PIK3CB: variants seen among roughly 807,000 people sequenced by gnomAD.
PIK3CB encodes the protein phosphatidylinositol 4,5-bisphosphate 3-kinase catalytic subunit beta isoform.
A neutral mutation model predicts 136.8 loss-of-function variants in PIK3CB; 39 were observed. The ratio of observed to expected loss-of-function variants is 0.29; its 90% CI spans 0.22 to 0.37. The LOEUF is 0.37. Among genes scored for constraint, PIK3CB ranks in the 10% least tolerant of loss-of-function variants. The pLI, the probability that PIK3CB is intolerant of heterozygous loss-of-function variation, is 1.00. For synonymous variants in PIK3CB, 428 were observed against 436.6 expected (o/e 0.98, Z 0.25); for missense variants, 868 against 1,275.4 (o/e 0.68, Z 4.87).
chr3:138,822,789 C>A (rs984792892), intron 1 of PIK3CB, among the ~76,000 whole-genome samples: 3 of 144,460 alleles, frequency 2.1e-5, no homozygotes, highest in African/African-American at 7.6e-5. Flanking sequence ...CTGCAGTGAG[C>A]CGAGATCACG....
At chr3:138,779,893 C>T (rs2045904502) in intron 2 of PIK3CB, among the ~76,000 whole-genome samples, 1 of 152,072 alleles carries the variant, frequency 6.6e-6, no homozygotes, top group Non-Finnish European at 1.5e-5. Flanking sequence ...TATCAGCAAA[C>T]AAGTTAATCT....
At position 138,655,107 on chromosome 3, in the gene PIK3CB, G is replaced by T; in HGVS notation, c.*282C>A. On this transcript the variant is annotated 3_prime_UTR_variant, in exon 24 of 24. Coordinates refer to ENST00000674063, the MANE Select transcript of PIK3CB (RefSeq NM_006219.3). ...AATATTAGAAAAAACAAACAAAAAC[G>T]GAAACAATCCCTAGTAGCATTCCTT... 2 of 369,420 alleles carry T rather than the reference G, an allele frequency of 5.4e-6. No individual in the cohort carries two copies. Among genetic ancestry groups the T allele is most frequent in the South Asian group, 1.1e-4 (2 of 18,766 alleles). The allele number at this position is 369,420 out of a possible 1,614,324, so 22.9% of individuals were successfully genotyped here.
In PIK3CB at chr3:138,714,456, G is replaced by A. The variant is rs761449211; in HGVS notation, c.1302+12C>T. ...TATATAAAACAATCCTCAGAAGTTG[G>A]TATATCATTACCACTTTTCCAGCTT... On this transcript the variant is annotated intron_variant, in intron 9 of 23. Coordinates refer to ENST00000674063, the MANE Select transcript of PIK3CB (RefSeq NM_006219.3). The A allele has an allele frequency of 6.4e-7, 1 of 1,567,394 alleles. No homozygotes were observed. The highest frequency in any genetic ancestry group is 1.7e-5 in the Admixed American group (1 of 57,230).
intron 2 of PIK3CB, among the ~76,000 whole-genome samples, chr3:138,793,385 C>G (rs781198930): frequency 6.6e-6 from 1 of 151,994 alleles, no homozygotes; most frequent in African/African-American, 2.4e-5. Flanking sequence ...GGGGGCGGAT[C>G]CCGCGAGGTG....
At chr3:138,681,108 G>A (rs574570780) in intron 19 of PIK3CB, among the ~76,000 whole-genome samples, 1 of 145,208 alleles carries the variant, frequency 6.9e-6, no homozygotes, top group Non-Finnish European at 1.5e-5. Flanking sequence ...GTGTAGTGGT[G>A]CAATCTCTGT....
chr3:138,780,139 A>G (rs1185591843), intron 2 of PIK3CB, among the ~76,000 whole-genome samples: 1 of 151,560 alleles, frequency 6.6e-6, no homozygotes, highest in African/African-American at 2.4e-5. Context: ...TGGTATTTTT[A>G]GTAGAGACAG....
At chr3:138,754,771 T>A (rs921498272) in intron 4 of PIK3CB, among the ~76,000 whole-genome samples, 1 of 152,194 alleles carries the variant, frequency 6.6e-6, no homozygotes, top group African/African-American at 2.4e-5. Context: ...GATCAAAGAA[T>A]AGTATTTTAA....
intron 2 of PIK3CB, among the ~76,000 whole-genome samples, chr3:138,784,921 C>T (rs974727055): frequency 2.0e-5 from 3 of 151,998 alleles, no homozygotes; most frequent in Non-Finnish European, 2.9e-5. Context: ...CTCTGCCCGG[C>T]CGCCACCCCG....
At chr3:138,681,920 C>T (rs371984367) in intron 19 of PIK3CB, 47 bp downstream of exon 19, 56 of 1,114,476 alleles carry the variant, frequency 5.0e-5, no homozygotes, top group Non-Finnish European at 6.8e-5. Context: ...GATATTTTTG[C>T]TATGGGAAGA....
chr3:138,703,278 T>C (rs1439794020), intron 12 of PIK3CB, among the ~76,000 whole-genome samples: 1 of 152,158 alleles, frequency 6.6e-6, no homozygotes, highest in Non-Finnish European at 1.5e-5. Flanking sequence ...CTGAGAGCTC[T>C]AATGGCAAAG....
chr3:138,693,854 C>A (rs1343351462), intron 14 of PIK3CB, among the ~76,000 whole-genome samples: 4 of 147,002 alleles, frequency 2.7e-5, no homozygotes, highest in Non-Finnish European at 6.0e-5. Context: ...ATAATGTTTG[C>A]CTCTGAGAAG....
At chr3:138,716,893 CAAAAAAAA>C (rs376627250) in intron 8 of PIK3CB, among the ~76,000 whole-genome samples, 1 of 11,090 alleles carries the variant, frequency 9.0e-5, no homozygotes, top group Admixed American at 1.1e-3. Flanking sequence ...GATTGTGTCT[CAAAAAAAA>C]AAAAAAAAAA....
At chr3:138,715,697 A>C (rs1054110381) in intron 8 of PIK3CB, among the ~76,000 whole-genome samples, 1 of 151,930 alleles carries the variant, frequency 6.6e-6, no homozygotes, top group African/African-American at 2.4e-5. Context: ...AGTAATATAA[A>C]ATTTTAAATA....
intron 19 of PIK3CB, among the ~76,000 whole-genome samples, chr3:138,671,837 T>C (rs2043539452): frequency 6.6e-6 from 1 of 152,216 alleles, no homozygotes; most frequent in Non-Finnish European, 1.5e-5. Flanking sequence ...CTTTCCCCAT[T>C]GGCTGGGGTT....
intron 4 of PIK3CB, among the ~76,000 whole-genome samples, chr3:138,752,666 G>T (rs918029086): frequency 1.3e-5 from 2 of 151,136 alleles, no homozygotes; most frequent in Non-Finnish European, 3.0e-5. Context: ...CCAAAAAGGC[G>T]CCACTATGCT....
chr3:138,682,624 A>C lies in PIK3CB; in HGVS notation c.2426-579T>G, dbSNP rs982666603. Among the ~76,000 whole-genome samples the C allele has an allele frequency of 1.9e-4, 29 of 152,332 alleles. No homozygotes were observed. In the East Asian group the frequency reaches 2.7e-3, roughly 14 times the overall value. On this transcript the variant is annotated intron_variant, in intron 18 of 23. Transcript: ENST00000674063. ...TGCATCACGAGGTCACAAAACTGTA[A>C]TGGTTCAATTTATTATCATGTCTAA...
At chr3:138,711,865 T>C (rs2044507997) in intron 10 of PIK3CB, among the ~76,000 whole-genome samples, 1 of 151,978 alleles carries the variant, frequency 6.6e-6, no homozygotes, top group South Asian at 2.1e-4. Context: ...CTCATGCCTG[T>C]AATCCTAGCA....
intron 1 of PIK3CB, among the ~76,000 whole-genome samples, chr3:138,811,466 C>T (rs1443588698): frequency 6.7e-6 from 1 of 149,134 alleles, no homozygotes; most frequent in East Asian, 2.0e-4. Context: ...CACTTTGATG[C>T]CTAGGCTGGA....
intron 8 of PIK3CB, among the ~76,000 whole-genome samples, chr3:138,723,915 TG>T (rs1442976848): frequency 9.9e-5 from 15 of 152,202 alleles, no homozygotes; most frequent in African/African-American, 3.4e-4. Context: ...TCCCATGTTT[TG>T]GGAATTTCCC....
Sources: allele counts gnomAD v4.1 joint callset (sites outside exome capture counted in the v4.1 genomes callset), GRCh38; gene constraint gnomAD v4.1.1; transcripts MANE v1.5; gene names NCBI Gene and HGNC (gene_info 2026-07-23, HGNC 2026-07-21).